The following NAV3 variants were observed in gnomAD, a reference collection of about 807,000 sequenced individuals.
NAV3 encodes neuron navigator 3, also known as pore membrane and/or filament interacting like protein 1.
NAV3 carries 87 observed loss-of-function variants against 244.7 expected under a neutral mutation model. That is an observed-to-expected ratio of 0.36 (90% CI 0.30 to 0.42). The LOEUF (loss-of-function observed/expected upper bound fraction) is 0.42. Ranked by LOEUF, NAV3 falls within the 20% of genes least tolerant of loss-of-function variation. The pLI is 1.00. For missense variants in NAV3, 2,663 were observed against 2,893.3 expected, an observed-to-expected ratio of 0.92 and a Z score of 1.83; for synonymous variants, 1,126 against 1,042.2, an observed-to-expected ratio of 1.08 and a Z score of -1.55.
chr12:78,182,961 G>A (rs1311238241), intron 30 of NAV3, among the ~76,000 whole-genome samples: 8 of 151,898 alleles, frequency 5.3e-5, no homozygotes, highest in Non-Finnish European at 1.5e-5. Context: ...GATAAAGAAA[G>A]TAGGCAGGAG....
intron 2 of NAV3, among the ~76,000 whole-genome samples, chr12:77,750,123 G>A (rs531810520): frequency 2.0e-5 from 3 of 152,336 alleles, no homozygotes; most frequent in South Asian, 4.1e-4. Context: ...GGAGGCCAAG[G>A]CAGGTGGATC....
intron 2 of NAV3, among the ~76,000 whole-genome samples, chr12:77,734,930 A>G (rs1368935648): frequency 1.3e-5 from 2 of 152,180 alleles, no homozygotes; most frequent in East Asian, 3.8e-4. Context: ...GTTTGTTTTA[A>G]TAGCCTTGAT....
intron 2 of NAV3, among the ~76,000 whole-genome samples, chr12:77,641,768 A>G (rs1315718762): frequency 6.6e-6 from 1 of 152,044 alleles, no homozygotes; most frequent in Non-Finnish European, 1.5e-5. Context: ...TGTCTGTACA[A>G]CCTTAACCAG....
intron 22 of NAV3, among the ~76,000 whole-genome samples, chr12:78,157,331 C>T (rs182007663): frequency 4.7e-4 from 70 of 150,092 alleles, no homozygotes; most frequent in Middle Eastern, 3.5e-3. Flanking sequence ...GGAAGAATTA[C>T]TTGAGGCTAG....
chr12:78,022,424 T>TAA (rs1005176086), intron 9 of NAV3, among the ~76,000 whole-genome samples: 1 of 152,142 alleles, frequency 6.6e-6, no homozygotes, highest in Non-Finnish European at 1.5e-5. Context: ...TAAGCATATA[T>TAA]GGAAGGCATT....
chr12:77,831,558 G>C lies in NAV3; in HGVS notation c.97G>C (p.Gly33Arg), dbSNP rs1184020847. 7 of 1,613,900 alleles carry C rather than the reference G, an allele frequency of 4.3e-6. No individual in the cohort carries two copies. Among genetic ancestry groups the C allele is most frequent in the Non-Finnish European group, 5.9e-6 (7 of 1,179,980 alleles). The change falls in exon 1 of 40, where the codon GGG becomes CGG. Residue 33 changes from glycine (G) to arginine (R), a missense_variant. Gly to Arg is a moderately radical substitution (Grantham distance 125). Coordinates refer to ENST00000397909, the MANE Select transcript of NAV3 (RefSeq NM_001024383.2). ...ALPIPNLGTT[G>R]SQHCSSRPLE... Reference sequence around the variant, plus strand: ...TCCGATACCAAATCTTGGCACTACTGGGTCACAGCACTGTTCTTCAAGACC... The same window carrying C: ...TCCGATACCAAATCTTGGCACTACTCGGTCACAGCACTGTTCTTCAAGACC...
intron 2 of NAV3, among the ~76,000 whole-genome samples, chr12:77,658,188 T>A (rs1421982161): frequency 6.6e-6 from 1 of 152,172 alleles, no homozygotes; most frequent in East Asian, 1.9e-4. Context: ...GCAGACGACA[T>A]GATTGTATAT....
intron 9 of NAV3, among the ~76,000 whole-genome samples, chr12:78,027,821 G>GTTTTGT (rs917734321): frequency 6.6e-6 from 1 of 151,796 alleles, no homozygotes; most frequent in African/African-American, 2.4e-5. Context: ...TGTGGTTTTT[G>GTTTTGT]TTTTGTTTTT....
At chr12:77,674,306 A>G (rs1565766167) in intron 2 of NAV3, among the ~76,000 whole-genome samples, 2 of 152,226 alleles carry the variant, frequency 1.3e-5, no homozygotes, top group Admixed American at 6.5e-5. Context: ...CCTTAATTAC[A>G]CATTCTGAAT....
At chr12:78,064,422 TCTGTCTGCCTGC>T (rs1367957234) in intron 12 of NAV3, among the ~76,000 whole-genome samples, 1 of 112,974 alleles carries the variant, frequency 8.9e-6, no homozygotes, top group African/African-American at 3.3e-5. Flanking sequence ...TGTCTGTCTG[TCTGTCTGCCTGC>T]CTGCCTGCCT....
Position 77,867,522 on chromosome 12 carries a change from C to T in NAV3, c.243+35818C>T, listed in dbSNP as rs576345786. Among the ~76,000 whole-genome samples the T allele has an allele frequency of 1.6e-3, 241 of 152,218 alleles. 1 individual carries two copies. Among genetic ancestry groups the T allele is most frequent in the African/African-American group, 5.5e-3 (229 of 41,548 alleles). The stretch of plus-strand genomic sequence containing the variant: ...GCCAGCTCCGCCTCCCAGGTTCATG[C>T]CATTCTCCTGCCTCAGCCTCCCAAG... On this transcript the variant is annotated intron_variant, in intron 1 of 39. Transcript: ENST00000397909.
chr12:78,097,571 T>A (rs750525194), intron 12 of NAV3, among the ~76,000 whole-genome samples: 2 of 152,228 alleles, frequency 1.3e-5, no homozygotes, highest in Non-Finnish European at 2.9e-5. Context: ...TGTTTTAAAA[T>A]GGAAGAATCT....
At chr12:78,022,164 T>C (rs1877259692) in intron 9 of NAV3, among the ~76,000 whole-genome samples, 1 of 152,160 alleles carries the variant, frequency 6.6e-6, no homozygotes, top group Non-Finnish European at 1.5e-5. Context: ...AATAAACTAA[T>C]GATTGGCCAT....
chr12:78,075,475 A>G (rs560530449), intron 12 of NAV3, among the ~76,000 whole-genome samples: 1 of 152,188 alleles, frequency 6.6e-6, no homozygotes, highest in South Asian at 2.1e-4. Flanking sequence ...ATGAATTTGG[A>G]TGTGGCTGAA....
chr12:77,979,835 T>G (rs1869237469), intron 5 of NAV3, among the ~76,000 whole-genome samples: 1 of 152,088 alleles, frequency 6.6e-6, no homozygotes, highest in African/African-American at 2.4e-5. Context: ...TGCCAGAGAT[T>G]TGGTCTAGGT....
intron 1 of NAV3, among the ~76,000 whole-genome samples, chr12:77,882,589 TTAAAC>T (rs1423241988): frequency 6.6e-6 from 1 of 152,126 alleles, no homozygotes; most frequent in Non-Finnish European, 1.5e-5. Flanking sequence ...TTGGACCTAA[TTAAAC>T]TAAAGACCTT....
At chr12:78,145,328 T>G (rs890317329) in intron 20 of NAV3, among the ~76,000 whole-genome samples, 1 of 152,134 alleles carries the variant, frequency 6.6e-6, no homozygotes, top group African/African-American at 2.4e-5. Flanking sequence ...TTAAAAGAGT[T>G]TCTGGCAAAT....
chr12:77,865,561 T>C (rs1258356517), intron 1 of NAV3, among the ~76,000 whole-genome samples: 1 of 152,058 alleles, frequency 6.6e-6, no homozygotes, highest in Non-Finnish European at 1.5e-5. Flanking sequence ...TTTGCAGTAA[T>C]TAAAAAATTA....
At chr12:78,026,768 A>G (rs1172001464) in intron 9 of NAV3, among the ~76,000 whole-genome samples, 1 of 152,192 alleles carries the variant, frequency 6.6e-6, no homozygotes, top group Non-Finnish European at 1.5e-5. Flanking sequence ...TGGCATCACC[A>G]ATGGATGGTT....
Sources: allele counts gnomAD v4.1 joint callset (sites outside exome capture counted in the v4.1 genomes callset), GRCh38; gene constraint gnomAD v4.1.1; transcripts MANE v1.5; gene names NCBI Gene and HGNC (gene_info 2026-07-23, HGNC 2026-07-21).